NCAPG: variants seen among roughly 807,000 people sequenced by gnomAD.
NCAPG encodes non-SMC condensin I complex subunit G.
A neutral mutation model predicts 113.1 loss-of-function variants in NCAPG; 69 were observed. The observed-to-expected ratio is 0.61, with a 90% confidence interval of 0.50 to 0.75. NCAPG has a LOEUF of 0.75. Among genes scored for constraint, NCAPG ranks in the 30% least tolerant of loss-of-function variants. The pLI is 0.00. For synonymous variants in NCAPG, 370 were observed against 415.8 expected, an observed-to-expected ratio of 0.89 and a Z score of 1.34; for missense variants, 1,058 against 1,177.0, an observed-to-expected ratio of 0.90 and a Z score of 1.48.
chr4:17,813,209 A>G (rs777217969), intron 3 of NCAPG, 64 bp downstream of exon 3: 14 of 1,342,612 alleles, frequency 1.0e-5, no homozygotes, highest in Non-Finnish European at 1.3e-5. Context: ...CAGTATTTGA[A>G]ATTTTTTATT....
chr4:17,840,776 T>C (rs1006634194), intron 19 of NCAPG, 83 bp downstream of exon 19: 19 of 851,980 alleles, frequency 2.2e-5, no homozygotes, highest in Non-Finnish European at 3.2e-5. Flanking sequence ...CAAGTTTTCT[T>C]ATCTTTGTTT....
intron 20 of NCAPG, 73 bp from the exon 21 acceptor site, chr4:17,843,229 A>C: frequency 6.6e-7 from 1 of 1,515,176 alleles, no homozygotes; most frequent in Non-Finnish European, 8.9e-7. Context: ...GTCAGAAACA[A>C]AAAAGTTTTA....
chr4:17,835,624 T>A (rs1722064580), intron 14 of NCAPG, among the ~76,000 whole-genome samples: 1 of 152,228 alleles, frequency 6.6e-6, no homozygotes, highest in African/African-American at 2.4e-5. Context: ...AAGCAGTTGC[T>A]CCTCATTCCC....
At chr4:17,818,795 T>G (rs1721325974) in intron 7 of NCAPG, among the ~76,000 whole-genome samples, 1 of 152,212 alleles carries the variant, frequency 6.6e-6, no homozygotes, top group Non-Finnish European at 1.5e-5. Context: ...ATTACCATAA[T>G]TATACCTCTT....
At chr4:17,837,606 T>C in intron 15 of NCAPG, 21 bp from the exon 16 acceptor site, 1 of 1,596,302 alleles carries the variant, frequency 6.3e-7, no homozygotes, top group Non-Finnish European at 8.5e-7. Flanking sequence ...GCCAACATAC[T>C]TTGAATTTGT....
chr4:17,820,559 G>A (rs1047166642), intron 7 of NCAPG, among the ~76,000 whole-genome samples: 1 of 151,968 alleles, frequency 6.6e-6, no homozygotes, highest in African/African-American at 2.4e-5. Context: ...CCGAGATCGC[G>A]CCACTGCACT....
intron 13 of NCAPG, among the ~76,000 whole-genome samples, chr4:17,831,714 T>A (rs1721878311): frequency 6.6e-6 from 1 of 152,064 alleles, no homozygotes; most frequent in Non-Finnish European, 1.5e-5. Context: ...GTTCAAGGAA[T>A]AAGAGAACAC....
chr4:17,838,690 G>A (rs1488396659), intron 16 of NCAPG, among the ~76,000 whole-genome samples: 1 of 152,156 alleles, frequency 6.6e-6, no homozygotes, highest in Non-Finnish European at 1.5e-5. Context: ...TAAGGATCCT[G>A]AATAGGACTG....
intron 7 of NCAPG, among the ~76,000 whole-genome samples, chr4:17,818,731 T>C (rs1721322112): frequency 6.6e-6 from 1 of 152,220 alleles, no homozygotes. Context: ...ACTTACTATC[T>C]AGCTTCATGT....
chr4:17,843,360 A>C lies in NCAPG; in HGVS notation c.2983A>C (p.Lys995Gln). Residue 995 changes from lysine (K) to glutamine (Q), a missense_variant, in exon 21 of 21, where the codon AAA becomes CAA. Coordinates refer to ENST00000251496, the MANE Select transcript of NCAPG (RefSeq NM_022346.5). ...GAAGATGAGACTACCAAGACGAGCC[A>C]AAACCGCAGCACTAGAAAAAAGTAA... The part of the protein sequence containing the change: ...EMKMRLPRRA[K>Q]TAALEKSKLN... 1 of 1,612,230 alleles carries C rather than the reference A, an allele frequency of 6.2e-7. No homozygotes were observed. Among genetic ancestry groups the C allele is most frequent in the Non-Finnish European group, 8.5e-7 (1 of 1,178,452 alleles).
At chr4:17,837,411 A>G in intron 15 of NCAPG, 71 bp downstream of exon 15, 2 of 1,384,548 alleles carry the variant, frequency 1.4e-6, no homozygotes, top group Non-Finnish European at 2.0e-6. Flanking sequence ...AATTATATCT[A>G]TAATGATATT....
At chr4:17,832,030 A>G (rs945105136) in intron 13 of NCAPG, among the ~76,000 whole-genome samples, 2 of 152,224 alleles carry the variant, frequency 1.3e-5, no homozygotes, top group African/African-American at 4.8e-5. Context: ...GTGTGAAGAC[A>G]GCTGTAGATA....
In NCAPG at chr4:17,831,078, C is replaced by T; in HGVS notation, c.1846C>T (p.Gln616Ter). The T allele has an allele frequency of 6.2e-7, 1 of 1,613,664 alleles. No homozygotes were observed. The highest frequency in any genetic ancestry group is 8.5e-7 in the Non-Finnish European group (1 of 1,179,802). Reference sequence around the variant, plus strand: ...CTTGGGATGCTGTGGACTACAGAATCAGGATTTTGCAAGGAAACACTTCGT... The same window carrying T: ...CTTGGGATGCTGTGGACTACAGAATTAGGATTTTGCAAGGAAACACTTCGT... ...LCLGCCGLQN[Q>*]DFARKHFVLL... Residue 616 changes from glutamine to a stop codon, truncating the protein, a stop_gained, in exon 13 of 21, where the codon CAG becomes TAG. Coordinates refer to ENST00000251496, the MANE Select transcript of NCAPG (RefSeq NM_022346.5). LOFTEE classifies it high-confidence loss of function.
Position 17,834,313 on chromosome 4 carries a change from T to G in NCAPG, c.1899T>G (p.Asp633Glu). 6.3e-7 allele frequency: 1 copy of G among 1,588,154 alleles called. No homozygotes were observed. Among genetic ancestry groups the G allele is most frequent in the Non-Finnish European group, 8.6e-7 (1 of 1,168,034 alleles). ...TCTTGATTTAGGTTTTGCAAATTGATGATGTCACAATAAAAATAAGTGCTT... is the reference window on the plus strand; with the variant it reads ...TCTTGATTTAGGTTTTGCAAATTGAGGATGTCACAATAAAAATAAGTGCTT... Reference protein sequence around the residue: ...FVLLLQVLQIDDVTIKISALK... With the variant: ...FVLLLQVLQIEDVTIKISALK... The change falls in exon 14 of 21, where the codon GAT becomes GAG. Residue 633 changes from aspartate (D) to glutamate (E), a missense_variant. By Grantham distance (45) the Asp-to-Glu change is conservative (BLOSUM62 2). Coordinates refer to ENST00000251496, the MANE Select transcript of NCAPG (RefSeq NM_022346.5).
At chr4:17,840,034 G>T in intron 17 of NCAPG, 37 bp from the exon 18 acceptor site, 3 of 1,573,954 alleles carry the variant, frequency 1.9e-6, no homozygotes, top group Non-Finnish European at 2.6e-6. Flanking sequence ...TAGGGAATGC[G>T]GTGTTTACAA....
intron 13 of NCAPG, 29 bp downstream of exon 13, chr4:17,831,145 CTG>C: frequency 1.9e-6 from 3 of 1,606,102 alleles, no homozygotes; most frequent in Non-Finnish European, 2.6e-6. Context: ...TAAATCTCAA[CTG>C]TATTTCCTGA....
In NCAPG at chr4:17,810,987, A is replaced by G. The variant is rs1720888362; in HGVS notation, c.-91A>G. On this transcript the variant is annotated 5_prime_UTR_variant, in exon 1 of 21. Transcript: ENST00000251496. Reference sequence around the variant, plus strand: ...AAATACTCCCTGGGGCTGTCATAGAAGACTACTCGGAGAGCGCTGCCTCTG... The same window carrying G: ...AAATACTCCCTGGGGCTGTCATAGAGGACTACTCGGAGAGCGCTGCCTCTG... 3 of 664,964 alleles carry G rather than the reference A, an allele frequency of 4.5e-6. No homozygotes were observed. Among genetic ancestry groups the G allele is most frequent in the Admixed American group, 3.8e-5 (1 of 26,126 alleles). 41.2% of individuals were successfully genotyped at this position (664,964 alleles called of 1,614,324 possible).
chr4:17,823,209 T>C, intron 8 of NCAPG, 86 bp downstream of exon 8: 2 of 1,285,152 alleles, frequency 1.6e-6, no homozygotes, highest in Non-Finnish European at 2.2e-6. Context: ...TAACTAAACA[T>C]ATTTACCCTA....
At chr4:17,834,245 A>C in intron 13 of NCAPG, 54 bp from the exon 14 acceptor site, 1 of 1,187,536 alleles carries the variant, frequency 8.4e-7, no homozygotes, top group Non-Finnish European at 1.2e-6. Flanking sequence ...ATGTAAACAG[A>C]AACAAAACAG....
Sources: allele counts gnomAD v4.1 joint callset (sites outside exome capture counted in the v4.1 genomes callset), GRCh38; gene constraint gnomAD v4.1.1; transcripts MANE v1.5; gene names NCBI Gene and HGNC (gene_info 2026-07-23, HGNC 2026-07-21).